The following OSBPL10 variants were observed in gnomAD, a reference collection of about 807,000 sequenced individuals.
OSBPL10 encodes the protein oxysterol-binding protein-related protein 10.
A neutral mutation model predicts 81.7 loss-of-function variants in OSBPL10; 49 were observed. The observed-to-expected ratio is 0.60, with a 90% CI of 0.48 to 0.76. OSBPL10 has a LOEUF of 0.76. OSBPL10 is among the 30% of genes least tolerant of loss of function. The probability of loss-of-function intolerance (pLI) is 0.00; values close to 1 mark genes in which losing one functional copy is unlikely to be tolerated. For missense variants in OSBPL10, 923 were observed against 987.8 expected (o/e 0.93, Z 0.88); for synonymous variants, 419 against 383.6 (o/e 1.09, Z -1.08).
At chr3:31,744,222 T>G (rs1024728582) in intron 5 of OSBPL10, among the ~76,000 whole-genome samples, 1 of 152,180 alleles carries the variant, frequency 6.6e-6, no homozygotes, top group Non-Finnish European at 1.5e-5. Flanking sequence ...CAGCTAAGTT[T>G]CTTGATGAAA....
intron 2 of OSBPL10, among the ~76,000 whole-genome samples, chr3:32,002,783 G>GT (rs1289221899): frequency 2.6e-4 from 40 of 152,196 alleles, no homozygotes; most frequent in South Asian, 6.2e-4. Context: ...ACTACAGTGT[G>GT]CCCCTTGGGA....
chr3:31,836,569 G>A (rs1171367252), intron 3 of OSBPL10, among the ~76,000 whole-genome samples: 1 of 124,008 alleles, frequency 8.1e-6, no homozygotes, highest in Non-Finnish European at 1.6e-5. Context: ...AATAAATCCT[G>A]CTGACTCTTC....
Position 31,702,470 on chromosome 3 carries a change from T to C in OSBPL10, c.1134A>G (p.Glu378=). The C allele has an allele frequency of 1.2e-6, 2 of 1,614,236 alleles. No homozygotes were observed. Among genetic ancestry groups the C allele is most frequent in the Non-Finnish European group, 1.7e-6 (2 of 1,180,032 alleles). The change falls in exon 7 of 12, where the codon GAA becomes GAG. Residue 378 remains glutamate, a synonymous_variant. Coordinates refer to ENST00000396556, the MANE Select transcript of OSBPL10 (RefSeq NM_017784.5). ...SGSELVLSED[E]KSDNEDKEET... ...CTTCCTTATCTTCATTGTCACTTTT[T>C]TCATCTTCAGACAAAACCAATTCAG...
intron 2 of OSBPL10, among the ~76,000 whole-genome samples, chr3:32,003,452 C>G (rs1699171020): frequency 6.6e-6 from 1 of 152,186 alleles, no homozygotes; most frequent in Admixed American, 6.5e-5. Flanking sequence ...ACCATCCCAT[C>G]CTGTTTCCTG....
intron 1 of OSBPL10, among the ~76,000 whole-genome samples, chr3:31,899,976 C>T (rs1377112861): frequency 6.6e-6 from 1 of 151,262 alleles, no homozygotes; most frequent in South Asian, 2.1e-4. Flanking sequence ...GAAGATTAAG[C>T]TGTTTTTAAA....
At position 32,074,650 on chromosome 3, in the gene OSBPL10, T is replaced by C. The variant is rs144367563; in HGVS notation, n.185+2746A>G. ...TCTTGCTTGCTTATACCCAGCCCCA[T>C]GAATAGCAGTGAAAGGTTACTTGTA... On this transcript the variant is annotated intron_variant and non_coding_transcript_variant, in intron 1 of 3. Transcript: ENST00000479173. Among the ~76,000 whole-genome samples, 179 of 152,230 alleles carry C rather than the reference T, an allele frequency of 1.2e-3. 2 individuals are homozygous for C. The East Asian group carries it at 0.033, about 28-fold the overall frequency.
At chr3:31,843,024 T>A (rs1700538587) in intron 3 of OSBPL10, among the ~76,000 whole-genome samples, 1 of 152,236 alleles carries the variant, frequency 6.6e-6, no homozygotes, top group Admixed American at 6.5e-5. Flanking sequence ...CTGGACACAT[T>A]GTGTGTCCTG....
At chr3:31,867,332 C>T (rs1433888325) in intron 3 of OSBPL10, among the ~76,000 whole-genome samples, 1 of 152,146 alleles carries the variant, frequency 6.6e-6, no homozygotes, top group Non-Finnish European at 1.5e-5. Flanking sequence ...CATTTTCTTG[C>T]TTTTTTATCC....
chr3:31,862,317 A>T (rs1251688115), intron 3 of OSBPL10, among the ~76,000 whole-genome samples: 1 of 152,220 alleles, frequency 6.6e-6, no homozygotes, highest in Admixed American at 6.5e-5. Context: ...CATGCAAAGT[A>T]TAAGCTCAAA....
At chr3:31,723,904 A>C (rs1483033999) in intron 6 of OSBPL10, among the ~76,000 whole-genome samples, 1 of 152,188 alleles carries the variant, frequency 6.6e-6, no homozygotes, top group Non-Finnish European at 1.5e-5. Flanking sequence ...GGAAAATAAA[A>C]ATATAAGCCA....
chr3:31,981,209 C>G lies in OSBPL10; in HGVS notation c.-30G>C. 2.2e-6 allele frequency: 3 copies of G among 1,371,254 alleles called. No individual in the cohort carries two copies. The highest frequency in any genetic ancestry group is 2.8e-6 in the Non-Finnish European group (3 of 1,069,628). 84.9% of individuals were successfully genotyped at this position (1,371,254 alleles called of 1,614,324 possible). ...CGTGGGCGCCCGGGACGCGGGTGCC[C>G]GCCGCGGTGGCGGCCCCGGCACGGC... On this transcript the variant is annotated 5_prime_UTR_variant, in exon 1 of 12. Transcript: ENST00000396556. This position sits in a 1 kb window ranked among gnomAD's most constrained non-coding sequence, Gnocchi z 4.5.
chr3:31,662,712 T>C (rs1023001341), intron 11 of OSBPL10: 1 of 985,512 alleles, frequency 1.0e-6, no homozygotes, highest in Non-Finnish European at 1.2e-6. Flanking sequence ...CCAGCCCTTC[T>C]GTTATGGGCA....
chr3:31,929,999 C>CAAACA lies in OSBPL10; in HGVS notation c.282-50170_282-50169insTGTTT, dbSNP rs200754356. Among the ~76,000 whole-genome samples, 46 of 27,990 alleles carry CAAACA rather than the reference C, an allele frequency of 1.6e-3. 5 individuals carry two copies. The highest frequency in any genetic ancestry group is 2.1e-3 in the Non-Finnish European group (31 of 14,970). The allele number at this position is 27,990 out of a possible 152,430, so 18.4% of individuals were successfully genotyped here. On this transcript the variant is annotated intron_variant, in intron 1 of 11. Transcript: ENST00000396556. ...GGGTGATCAAGTGAGACCCTGTCAC[C>CAAACA]AACCAAAAAAAAAAAAAAAAAAAAA...
intron 1 of OSBPL10, among the ~76,000 whole-genome samples, chr3:31,890,418 A>G (rs568662022): frequency 3.3e-5 from 5 of 152,124 alleles, no homozygotes; most frequent in African/African-American, 1.2e-4. Context: ...GTTTGAAATC[A>G]CCTGGCATCG....
At chr3:31,745,208 G>C (rs1314125268) in intron 5 of OSBPL10, among the ~76,000 whole-genome samples, 1 of 152,166 alleles carries the variant, frequency 6.6e-6, no homozygotes, top group Non-Finnish European at 1.5e-5. Flanking sequence ...TGCTACAATG[G>C]GATAACCAGC....
chr3:31,926,656 G>A (rs761691224), intron 1 of OSBPL10, among the ~76,000 whole-genome samples: 3 of 152,176 alleles, frequency 2.0e-5, no homozygotes, highest in Non-Finnish European at 2.9e-5. Context: ...TGCTGTGGAC[G>A]CCTGAACTGG....
intron 4 of OSBPL10, among the ~76,000 whole-genome samples, chr3:31,769,493 T>C (rs540472487): frequency 1.4e-4 from 18 of 127,046 alleles, no homozygotes; most frequent in Admixed American, 6.3e-4. Context: ...AATAAAAATA[T>C]ATTTTATTAA....
Position 31,747,918 on chromosome 3 carries a change from C to CCT in OSBPL10, c.930_931dup (p.Gly311GlufsTer21), listed in dbSNP as rs749210646. On this transcript the variant is annotated frameshift_variant, in exon 5 of 12. Transcript: ENST00000396556. LOFTEE classifies it high-confidence loss of function. ...GCCCCCGGGGGTCTTACCCGAGGCTCCTGGCTTCTGGCTGGGCTGGCCCGC... is the reference window on the plus strand; with the variant it reads ...GCCCCCGGGGGTCTTACCCGAGGCTCCTCTGGCTTCTGGCTGGGCTGGCCCGC... 69 of 1,613,396 alleles carry CCT rather than the reference C, an allele frequency of 4.3e-5. No individual in the cohort carries two copies. The highest frequency in any genetic ancestry group is 1.2e-5 in the Non-Finnish European group (14 of 1,180,040).
At chr3:32,026,056 A>ATGATAGATAGATAGATGAT (rs1553649785) in intron 2 of OSBPL10, among the ~76,000 whole-genome samples, 174 of 104,358 alleles carry the variant, frequency 1.7e-3, no homozygotes, top group East Asian at 4.0e-3. Context: ...AGATAGATAG[A>ATGATAGATAGATAGATGAT]TGATAGATAG....
Sources: allele counts gnomAD v4.1 joint callset (sites outside exome capture counted in the v4.1 genomes callset), GRCh38; gene constraint gnomAD v4.1.1; non-coding constraint Gnocchi (gnomAD v3.1); transcripts MANE v1.5; gene names NCBI Gene and HGNC (gene_info 2026-07-23, HGNC 2026-07-21).